PIK3R3: variants seen among roughly 807,000 people sequenced by gnomAD.
PIK3R3 encodes phosphoinositide-3-kinase regulatory subunit 3.
A neutral mutation model predicts 62.9 loss-of-function variants in PIK3R3; 64 were observed. The ratio of observed to expected loss-of-function variants is 1.02; its 90% CI spans 0.83 to 1.25. PIK3R3 has a LOEUF of 1.25. Among genes scored for constraint, PIK3R3 ranks in the 50% most tolerant of loss-of-function variants. The probability of loss-of-function intolerance (pLI) is 0.00; values close to 1 mark genes in which losing one functional copy is unlikely to be tolerated. For missense variants in PIK3R3, 614 were observed against 561.6 expected (o/e 1.09, Z -0.94); for synonymous variants, 165 against 189.0 (o/e 0.87, Z 1.04).
intron 1 of PIK3R3, among the ~76,000 whole-genome samples, chr1:46,100,057 C>G (rs1268600680): frequency 6.6e-6 from 1 of 152,060 alleles, no homozygotes; most frequent in African/African-American, 2.4e-5. Flanking sequence ...GATTATTAAT[C>G]CTTTTTAGTT....
the PIK3R3 span, among the ~76,000 whole-genome samples, chr1:46,151,378 T>G: frequency 1.3e-5 from 2 of 152,144 alleles, no homozygotes; most frequent in African/African-American, 4.8e-5. Flanking sequence ...CCCCTCTTTC[T>G]AGGATTATCC....
intron 1 of PIK3R3, among the ~76,000 whole-genome samples, chr1:46,106,781 T>C (rs1350096715): frequency 6.6e-6 from 1 of 152,090 alleles, no homozygotes; most frequent in African/African-American, 2.4e-5. Context: ...CCTTAGTCTT[T>C]TTTTTCTTTT....
chr1:46,041,549 A>G lies in PIK3R3; in HGVS notation c.*2124T>C. ...TATCTGTATTTCCATTTTGGTTTAAAAGACACTCAGAACACACTGAAATTT... is the reference window on the plus strand; with the variant it reads ...TATCTGTATTTCCATTTTGGTTTAAGAGACACTCAGAACACACTGAAATTT... On this transcript the variant is annotated 3_prime_UTR_variant, in exon 10 of 10. Transcript: ENST00000262741. 5.6e-6 allele frequency: 1 copy of G among 177,950 alleles called. No homozygotes were observed. Among genetic ancestry groups the G allele is most frequent in the East Asian group, 9.4e-5 (1 of 10,630 alleles). The allele number at this position is 177,950 out of a possible 1,614,324, so 11.0% of individuals were successfully genotyped here.
chr1:46,128,243 T>G (rs1267851292), intron 1 of PIK3R3, among the ~76,000 whole-genome samples: 1 of 152,132 alleles, frequency 6.6e-6, no homozygotes, highest in African/African-American at 2.4e-5. Context: ...AGGACCAGCC[T>G]GGCCAACATG....
chr1:46,049,736 T>C (rs965031642), intron 7 of PIK3R3, among the ~76,000 whole-genome samples: 2 of 152,190 alleles, frequency 1.3e-5, no homozygotes, highest in African/African-American at 4.8e-5. Flanking sequence ...AGTGTCAGTC[T>C]GTGTAGGAGG....
chr1:46,064,379 A>C (rs1300329585), intron 5 of PIK3R3, among the ~76,000 whole-genome samples: 1 of 151,998 alleles, frequency 6.6e-6, no homozygotes, highest in Non-Finnish European at 1.5e-5. Flanking sequence ...TGTCTCTACT[A>C]AAAATACAAC....
intron 1 of PIK3R3, among the ~76,000 whole-genome samples, chr1:46,102,526 T>C (rs1267875972): frequency 6.6e-6 from 1 of 152,102 alleles, no homozygotes; most frequent in Admixed American, 6.5e-5. Context: ...TTCTTTTTCT[T>C]GATTTAGGAA....
the PIK3R3 span, among the ~76,000 whole-genome samples, chr1:46,145,722 G>C: frequency 6.6e-6 from 1 of 152,186 alleles, no homozygotes; most frequent in East Asian, 1.9e-4. Context: ...CATGAGTTTT[G>C]ATGGGAATAA....
chr1:46,109,081 C>A (rs1360424536), intron 1 of PIK3R3, among the ~76,000 whole-genome samples: 2 of 151,758 alleles, frequency 1.3e-5, no homozygotes, highest in Non-Finnish European at 2.9e-5. Context: ...ATGGCATGAA[C>A]CCGGGAGGTG....
chr1:46,141,279 A>G, the PIK3R3 span, among the ~76,000 whole-genome samples: 1 of 149,208 alleles, frequency 6.7e-6, no homozygotes, highest in African/African-American at 2.5e-5. Flanking sequence ...TATTTTATTT[A>G]TTTATTTTTG....
At chr1:46,048,839 T>C (rs1210309192) in intron 7 of PIK3R3, among the ~76,000 whole-genome samples, 1 of 152,232 alleles carries the variant, frequency 6.6e-6, no homozygotes, top group Admixed American at 6.5e-5. Context: ...CAAAGACTTA[T>C]CTAGTTCTGA....
At chr1:46,104,937 A>AC (rs1653050060) in intron 1 of PIK3R3, 10 of 520,358 alleles carry the variant, frequency 1.9e-5, no homozygotes, top group African/African-American at 1.2e-4. Context: ...AAAAAAAAAA[A>AC]AAAAAAAAAA....
At chr1:46,152,733 T>C in the PIK3R3 span, among the ~76,000 whole-genome samples, 12 of 152,168 alleles carry the variant, frequency 7.9e-5, no homozygotes, top group African/African-American at 2.9e-4. Context: ...TGGCTAATTT[T>C]TTTGGATTTT....
intron 1 of PIK3R3, among the ~76,000 whole-genome samples, chr1:46,100,670 T>C (rs1652575842): frequency 2.0e-5 from 3 of 152,234 alleles, no homozygotes; most frequent in South Asian, 2.1e-4. Context: ...CAGAAGTGTA[T>C]TGAACTTATA....
At chr1:46,154,413 A>T in the PIK3R3 span, among the ~76,000 whole-genome samples, 2 of 152,126 alleles carry the variant, frequency 1.3e-5, no homozygotes, top group East Asian at 1.9e-4. Flanking sequence ...ACAAAAAAAT[A>T]AAAAAATTAA....
chr1:46,170,702 C>G, the PIK3R3 span, among the ~76,000 whole-genome samples: 1 of 152,092 alleles, frequency 6.6e-6, no homozygotes, highest in Non-Finnish European at 1.5e-5. Flanking sequence ...ATTACAGGCG[C>G]GAGCCACCGC....
At chr1:46,069,981 G>T (rs967993861) in intron 3 of PIK3R3, among the ~76,000 whole-genome samples, 1 of 152,224 alleles carries the variant, frequency 6.6e-6, no homozygotes, top group Non-Finnish European at 1.5e-5. Flanking sequence ...CAGTGAAATG[G>T]TAAGGATAGA....
chr1:46,104,308 C>A (rs1017985627), intron 1 of PIK3R3, among the ~76,000 whole-genome samples: 3 of 152,176 alleles, frequency 2.0e-5, no homozygotes, highest in Non-Finnish European at 4.4e-5. Context: ...TTTTAAATCA[C>A]TAATTAAATT....
chr1:46,082,881 C>A (rs986169407), intron 1 of PIK3R3, among the ~76,000 whole-genome samples: 4 of 152,010 alleles, frequency 2.6e-5, no homozygotes, highest in African/African-American at 9.7e-5. Flanking sequence ...GAGTTTGAGA[C>A]CAGCCTGGCC....
Sources: allele counts gnomAD v4.1 joint callset (sites outside exome capture counted in the v4.1 genomes callset), GRCh38; gene constraint gnomAD v4.1.1; transcripts MANE v1.5; gene names NCBI Gene and HGNC (gene_info 2026-07-23, HGNC 2026-07-21).